Variants in ALG10 observed in about 807,000 individuals in gnomAD.
The protein encoded by ALG10 is ALG10 alpha-1,2-glucosyltransferase, also known as dol-P-Glc:Glc(2)Man(9)GlcNAc(2)-PP-Dol alpha-1,2-glucosyltransferase A.
Under a neutral mutation model 39.2 loss-of-function variants are expected in ALG10, and 25 were observed. The ratio of observed to expected loss-of-function variants is 0.64; its 90% CI spans 0.46 to 0.89. The LOEUF (loss-of-function observed/expected upper bound fraction) is 0.89, where lower values mean the gene tolerates loss of function less well. Among genes scored for constraint, ALG10 ranks in the 40% least tolerant of loss-of-function variants. ALG10 has a pLI of 0.00. For missense variants in ALG10, 486 were observed against 546.6 expected, an observed-to-expected ratio of 0.89 and a Z score of 1.11; for synonymous variants, 184 against 193.9, an observed-to-expected ratio of 0.95 and a Z score of 0.42.
rs1241296313 is a variant in ALG10, at chr12:34,026,931, G to A, written c.*16G>A. 8 of 1,609,410 alleles carry A rather than the reference G, an allele frequency of 5.0e-6. No homozygotes were observed. The highest frequency in any genetic ancestry group is 1.7e-5 in the Admixed American group (1 of 59,602). The stretch of plus-strand genomic sequence containing the variant: ...TATGTGGTAATATCAGTGATATTTC[G>A]AACTGTGAAAATGGACTTAATAATT... On this transcript the variant is annotated 3_prime_UTR_variant, in exon 3 of 3. Transcript: ENST00000266483.
Position 34,026,641 on chromosome 12 carries a change from G to T in ALG10, c.1148G>T (p.Ser383Ile). The change falls in exon 3 of 3, where the codon AGT becomes ATT. Residue 383 changes from serine (S) to isoleucine (I), a missense_variant. Coordinates refer to ENST00000266483, the MANE Select transcript of ALG10 (RefSeq NM_032834.4). ...LVPAYIFAGW[S>I]IADSLKSKSI... Reference sequence around the variant, plus strand: ...CCAGCCTATATATTTGCTGGTTGGAGTATAGCTGACTCATTGAAATCAAAG... The same window carrying T: ...CCAGCCTATATATTTGCTGGTTGGATTATAGCTGACTCATTGAAATCAAAG... 1 of 1,613,928 alleles carries T rather than the reference G, an allele frequency of 6.2e-7. No homozygotes were observed. The highest frequency in any genetic ancestry group is 1.7e-5 in the Admixed American group (1 of 60,024).
rs776709624 is a variant in ALG10, at chr12:34,024,174, A to G, written c.369+15A>G. 8 of 1,612,520 alleles carry G rather than the reference A, an allele frequency of 5.0e-6. No individual in the cohort carries two copies. In the African/African-American group the frequency reaches 9.3e-5, roughly 19 times the overall value. On this transcript the variant is annotated intron_variant, in intron 2 of 2. Transcript: ENST00000266483. ...CCAGAAACAAGGTATGTTTCAAAATACTTAATTACAAGTTTATGTGTAGTC... is the reference window on the plus strand; with the variant it reads ...CCAGAAACAAGGTATGTTTCAAAATGCTTAATTACAAGTTTATGTGTAGTC...
Position 34,024,100 on chromosome 12 carries a change from A to G in ALG10, c.310A>G (p.Ser104Gly). 2 of 1,614,128 alleles carry G rather than the reference A, an allele frequency of 1.2e-6. No homozygotes were observed. The highest frequency in any genetic ancestry group is 2.2e-5 in the South Asian group (2 of 91,080). ...GMLRFVNLLF[S>G]VGNFYLLYLL... ...GCTCAGATTTGTTAATCTTCTCTTC[A>G]GTGTTGGCAACTTCTATTTACTATA... is the stretch of plus-strand genomic sequence containing the variant. Residue 104 changes from serine to glycine, a missense_variant, in exon 2 of 3, where the codon AGT (serine) becomes GGT (glycine). Ser to Gly is a moderately conservative substitution (Grantham distance 56). Coordinates refer to ENST00000266483, the MANE Select transcript of ALG10 (RefSeq NM_032834.4).
upstream of ALG10, chr12:34,022,392 G>T: frequency 2.9e-6 from 2 of 697,252 alleles, no homozygotes; most frequent in Non-Finnish European, 4.7e-6. Flanking sequence ...GTAATCATCC[G>T]GTCCGTTATC....
At position 34,024,003 on chromosome 12, in the gene ALG10, G is replaced by C; in HGVS notation, c.213G>C (p.Val71=). 1 of 1,614,122 alleles carries C rather than the reference G, an allele frequency of 6.2e-7. No homozygotes were observed. The highest frequency in any genetic ancestry group is 8.5e-7 in the Non-Finnish European group (1 of 1,180,020). Residue 71 remains valine (V), a synonymous_variant, in exon 2 of 3, where the codon GTG becomes GTC. Coordinates refer to ENST00000266483, the MANE Select transcript of ALG10 (RefSeq NM_032834.4). ...MITTLPGLYL[V]SIGVIKPAIW... ...CTACATTACCTGGCTTGTACCTGGT[G>C]TCAATTGGAGTGATCAAACCTGCCA...
Position 34,027,451 on chromosome 12 carries a change from T to G in ALG10, c.*536T>G, listed in dbSNP as rs2120700520. ...TCAGTAATATAATTTTAATTCTAAG[T>G]CAAAATACAAATGCATAGATAGTAA... On this transcript the variant is annotated 3_prime_UTR_variant, in exon 3 of 3. Coordinates refer to ENST00000266483, the MANE Select transcript of ALG10 (RefSeq NM_032834.4). 1 of 152,716 alleles carries G rather than the reference T, an allele frequency of 6.5e-6. No individual in the cohort carries two copies. The highest frequency in any genetic ancestry group is 2.1e-4 in the South Asian group (1 of 4,830). The allele number at this position is 152,716 out of a possible 1,614,324, so 9.5% of individuals were successfully genotyped here.
upstream of ALG10, chr12:34,022,481 T>C: frequency 3.3e-6 from 5 of 1,519,782 alleles, no homozygotes; most frequent in Non-Finnish European, 2.7e-6. Flanking sequence ...TTCCGGTATG[T>C]GGCCCCGTCT....
Position 34,022,511 on chromosome 12 carries a change from G to A in ALG10, c.-89G>A, listed in dbSNP as rs539168684. ...CCGTCTGGCTAGTCCCGCCTAGCGC[G>A]CCCATTTCGAGCCCAAGTTTCCAGC... is the stretch of plus-strand genomic sequence containing the variant. On this transcript the variant is annotated 5_prime_UTR_variant, in exon 1 of 3. Transcript: ENST00000266483. 6 of 1,605,864 alleles carry A rather than the reference G, an allele frequency of 3.7e-6. No homozygotes were observed. In the South Asian group the frequency reaches 5.5e-5, roughly 15 times the overall value.
chr12:34,022,484 C>A, upstream of ALG10: 1 of 1,534,114 alleles, frequency 6.5e-7, no homozygotes, highest in Admixed American at 1.7e-5. Context: ...CGGTATGTGG[C>A]CCCGTCTGGC....
chr12:34,022,485 C>A (rs1307979570), upstream of ALG10: 2 of 1,542,970 alleles, frequency 1.3e-6, no homozygotes, highest in East Asian at 2.2e-5. Context: ...GGTATGTGGC[C>A]CCGTCTGGCT....
chr12:34,024,255 C>T lies in ALG10; in HGVS notation c.369+96C>T, dbSNP rs1226410455. 1.0e-5 allele frequency: 14 copies of T among 1,405,420 alleles called. No homozygotes were observed. The Middle Eastern group carries it at 1.1e-3, about 113-fold the overall frequency. 87.1% of individuals were successfully genotyped at this position (1,405,420 alleles called of 1,614,324 possible). A position where few individuals can be genotyped will look rare whatever the true frequency, so the allele number is the denominator to read the frequency against. On this transcript the variant is annotated intron_variant, in intron 2 of 2. Transcript: ENST00000266483. ...GAGATTTGGTGAAAAATGTCTTTAA[C>T]ACTTTGTAACTTTGTATTTTTGTAT...
Position 34,026,060 on chromosome 12 carries a change from T to C in ALG10, c.567T>C (p.Asn189=). The C allele has an allele frequency of 6.2e-7, 1 of 1,614,088 alleles. No individual in the cohort carries two copies. Among genetic ancestry groups the C allele is most frequent in the Non-Finnish European group, 8.5e-7 (1 of 1,179,970 alleles). The change falls in exon 3 of 3, where the codon AAT becomes AAC. Residue 189 remains asparagine, a synonymous_variant. Transcript: ENST00000266483. The part of the protein sequence containing the change: ...GFCGFMFRQT[N]IIWAVFCAGN... ...GTGGCTTCATGTTTCGGCAAACAAA[T>C]ATCATCTGGGCTGTCTTCTGTGCAG...
Position 34,026,379 on chromosome 12 carries a change from T to C in ALG10, c.886T>C (p.Ser296Pro). Reference protein sequence around the residue: ...LHFPQLFYFFSFTLFFSFPHL... With the variant: ...LHFPQLFYFFPFTLFFSFPHL... ...TTTTCCTCAACTATTCTACTTTTTT[T>C]CATTTACTCTCTTTTTTTCCTTTCC... is the stretch of plus-strand genomic sequence containing the variant. Residue 296 changes from serine (S) to proline (P), a missense_variant, in exon 3 of 3, where the codon TCA becomes CCA. Coordinates refer to ENST00000266483, the MANE Select transcript of ALG10 (RefSeq NM_032834.4). 6.2e-7 allele frequency: 1 copy of C among 1,613,958 alleles called. No homozygotes were observed. Among genetic ancestry groups the C allele is most frequent in the Non-Finnish European group, 8.5e-7 (1 of 1,179,940 alleles).
rs559904755 is a variant in ALG10 at position 34,023,843 on chromosome 12, A to G, written c.172-119A>G. On this transcript the variant is annotated intron_variant, in intron 1 of 2. Transcript: ENST00000266483. ...TGCCAAGGACTTACTTAATCTTGTC[A>G]TAGAATAACTTCTCAAAATTTCTGA... 37 of 1,353,156 alleles carry G rather than the reference A, an allele frequency of 2.7e-5. No individual in the cohort carries two copies. The African/African-American group carries it at 5.2e-4, about 19-fold the overall frequency. The allele number at this position is 1,353,156 out of a possible 1,614,324, so 83.8% of individuals were successfully genotyped here.
Position 34,024,053 on chromosome 12 carries a change from A to G in ALG10, c.263A>G (p.His88Arg). 6.2e-7 allele frequency: 1 copy of G among 1,614,152 alleles called. No homozygotes were observed. Among genetic ancestry groups the G allele is most frequent in the Non-Finnish European group, 8.5e-7 (1 of 1,180,028 alleles). ...ATTTGGATCTTTGGATGGTCTGAAC[A>G]TGTTGTCTGCTCCATTGGGATGCTC... ...PAIWIFGWSE[H>R]VVCSIGMLRF... is the part of the protein sequence containing the mutation. Residue 88 changes from histidine to arginine, a missense_variant, in exon 2 of 3, where the codon CAT (histidine) becomes CGT (arginine). Transcript: ENST00000266483.
chr12:34,023,072 A>G (rs1156648257), intron 1 of ALG10: 3 of 377,064 alleles, frequency 8.0e-6, no homozygotes, highest in Admixed American at 4.3e-5. Context: ...TTGTTTTAGG[A>G]TTAAAGGCAT....
intron 1 of ALG10, 194 bp downstream of exon 1, chr12:34,022,964 G>A (rs1478737284): frequency 2.5e-6 from 2 of 808,336 alleles, no homozygotes; most frequent in East Asian, 2.7e-5. Flanking sequence ...ATAAACAGCA[G>A]ATCTGTCCTC....
Position 34,026,809 on chromosome 12 carries a change from G to C in ALG10, c.1316G>C (p.Cys439Ser), listed in dbSNP as rs571321103. The C allele has an allele frequency of 6.2e-7, 1 of 1,613,912 alleles. No homozygotes were observed. The highest frequency in any genetic ancestry group is 1.3e-5 in the African/African-American group (1 of 75,028). The stretch of plus-strand genomic sequence containing the variant: ...CTGCCTCCCACATCCAGACTCATTT[G>C]TGAACTGAGCTGCTATGCAGTTGTT... ...IPLPPTSRLI[C>S]ELSCYAVVNF... Residue 439 changes from cysteine (C) to serine (S), a missense_variant, in exon 3 of 3, where the codon TGT becomes TCT. Coordinates refer to ENST00000266483, the MANE Select transcript of ALG10 (RefSeq NM_032834.4).
Position 34,026,050 on chromosome 12 carries a change from G to C in ALG10, c.557G>C (p.Arg186Pro), listed in dbSNP as rs199700179. 6.2e-7 allele frequency: 1 copy of C among 1,613,662 alleles called. No individual in the cohort carries two copies. The highest frequency in any genetic ancestry group is 1.3e-5 in the African/African-American group (1 of 74,818). The change falls in exon 3 of 3, where the codon CGG becomes CCG. Residue 186 changes from arginine (R) to proline (P), a missense_variant. By Grantham distance (103) the Arg-to-Pro change is moderately radical. Coordinates refer to ENST00000266483, the MANE Select transcript of ALG10 (RefSeq NM_032834.4). ...CTTGGATTTTGTGGCTTCATGTTTC[G>C]GCAAACAAATATCATCTGGGCTGTC... ...AFLGFCGFMF[R>P]QTNIIWAVFC...
Sources: allele counts gnomAD v4.1 joint callset, GRCh38; gene constraint gnomAD v4.1.1; transcripts MANE v1.5; gene names NCBI Gene and HGNC (gene_info 2026-07-23, HGNC 2026-07-21).